KALRN: variants seen among roughly 807,000 people sequenced by gnomAD.
KALRN encodes kalirin.
KALRN carries 70 observed loss-of-function variants against 353.7 expected under a neutral mutation model. The ratio of observed to expected loss-of-function variants is 0.20; its 90% CI spans 0.16 to 0.24. The LOEUF (loss-of-function observed/expected upper bound fraction) is 0.24. KALRN is among the 10% of genes least tolerant of loss of function. KALRN has a pLI of 1.00. For synonymous variants in KALRN, 1,391 were observed against 1,434.8 expected (o/e 0.97, Z 0.69); for missense variants, 2,791 against 3,756.7 (o/e 0.74, Z 6.72).
chr3:124,650,661 T>C (rs906977017), intron 37 of KALRN, 147 bp from the exon 38 acceptor site: 1 of 729,798 alleles, frequency 1.4e-6, no homozygotes, highest in African/African-American at 1.8e-5. Flanking sequence ...ATAAAGTCTC[T>C]GGTCTGCTAG....
intron 33 of KALRN, among the ~76,000 whole-genome samples, chr3:124,503,611 G>C (rs926670761): frequency 2.0e-5 from 3 of 152,130 alleles, no homozygotes; most frequent in African/African-American, 7.2e-5. Flanking sequence ...GGTTTCTGTG[G>C]TACTCGGTAT....
At chr3:124,342,947 A>T (rs1240973822) in intron 9 of KALRN, among the ~76,000 whole-genome samples, 1 of 152,220 alleles carries the variant, frequency 6.6e-6, no homozygotes, top group African/African-American at 2.4e-5. Context: ...TATTCAAGAC[A>T]TGCCCCTGGG....
chr3:124,619,141 T>TTA (rs1554053769), intron 34 of KALRN, among the ~76,000 whole-genome samples: 4 of 147,510 alleles, frequency 2.7e-5, no homozygotes, highest in Admixed American at 2.0e-4. Context: ...TTTTTTTTTT[T>TTA]AAGATTCCAC....
chr3:124,417,119 C>T (rs887228691), intron 14 of KALRN, among the ~76,000 whole-genome samples: 5 of 152,216 alleles, frequency 3.3e-5, no homozygotes, highest in African/African-American at 1.2e-4. Flanking sequence ...TTGTTCTTTC[C>T]TCACAATGGA....
intron 3 of KALRN, among the ~76,000 whole-genome samples, chr3:124,252,592 G>A (rs918786923): frequency 6.6e-6 from 1 of 152,194 alleles, no homozygotes; most frequent in African/African-American, 2.4e-5. Flanking sequence ...GATGTGCAGA[G>A]GCAAAAGATG....
intron 3 of KALRN, among the ~76,000 whole-genome samples, chr3:124,247,342 A>G (rs923538796): frequency 2.6e-5 from 4 of 152,234 alleles, no homozygotes; most frequent in African/African-American, 9.6e-5. Context: ...TAAGCAACCA[A>G]TAAGCAAGGA....
At chr3:124,451,664 G>A (rs2058799436) in intron 21 of KALRN, among the ~76,000 whole-genome samples, 1 of 152,196 alleles carries the variant, frequency 6.6e-6, no homozygotes. Context: ...TAGAAGCGAT[G>A]TGTCTGAACC....
rs1184802268 is a variant in KALRN at position 124,723,471 on chromosome 3, A to G, written c.*4001A>G. The G allele has an allele frequency of 6.6e-6, 1 of 152,204 alleles. No homozygotes were observed. Among genetic ancestry groups the G allele is most frequent in the Non-Finnish European group, 1.5e-5 (1 of 68,024 alleles). The allele number at this position is 152,204 out of a possible 1,614,324, so 9.4% of individuals were successfully genotyped here. On this transcript the variant is annotated 3_prime_UTR_variant, in exon 60 of 60. Transcript: ENST00000682506. ...ATGTTGAGAAATAACCTTGGTGGGG[A>G]CATCTATAAAATACTTTGATTTTTT...
intron 1 of KALRN, among the ~76,000 whole-genome samples, chr3:124,211,627 C>T (rs1164062216): frequency 6.6e-6 from 1 of 152,132 alleles, no homozygotes; most frequent in African/African-American, 2.4e-5. Context: ...GAGAAGTAAT[C>T]CCAGTTACCC....
chr3:124,057,007 A>G (rs368653908), intron 1 of KALRN, among the ~76,000 whole-genome samples: 4 of 152,228 alleles, frequency 2.6e-5, no homozygotes, highest in South Asian at 2.1e-4. Context: ...TAAATTGGAT[A>G]TTTGGCAAAT....
At chr3:124,524,474 G>A (rs1236942654) in intron 33 of KALRN, among the ~76,000 whole-genome samples, 1 of 152,180 alleles carries the variant, frequency 6.6e-6, no homozygotes, top group African/African-American at 2.4e-5. Flanking sequence ...ATGACTAGAA[G>A]TTTCATATTG....
At chr3:124,426,059 T>G (rs116784600) in intron 15 of KALRN, among the ~76,000 whole-genome samples, 1,616 of 152,288 alleles carry the variant, frequency 0.011, 30 homozygotes, top group African/African-American at 0.037. Flanking sequence ...CCAAGCCCTT[T>G]GCAAAAGGGC....
At chr3:124,364,611 A>C (rs1221203538) in intron 10 of KALRN, among the ~76,000 whole-genome samples, 10 of 152,148 alleles carry the variant, frequency 6.6e-5, no homozygotes, top group African/African-American at 2.4e-4. Flanking sequence ...CTTAGTGGCT[A>C]TGTGGTGTCT....
intron 10 of KALRN, among the ~76,000 whole-genome samples, chr3:124,381,942 A>G (rs1418755101): frequency 6.6e-6 from 1 of 152,172 alleles, no homozygotes; most frequent in African/African-American, 2.4e-5. Context: ...CTTGGCTATG[A>G]GAAGCCCTTC....
chr3:124,085,775 A>T (rs1424467507), intron 1 of KALRN, among the ~76,000 whole-genome samples: 8 of 152,218 alleles, frequency 5.3e-5, no homozygotes, highest in Non-Finnish European at 1.2e-4. Flanking sequence ...ATAACAACAT[A>T]AAATTTTACA....
intron 25 of KALRN, among the ~76,000 whole-genome samples, chr3:124,467,850 C>T (rs753146710): frequency 1.3e-4 from 20 of 151,976 alleles, no homozygotes; most frequent in Non-Finnish European, 2.6e-4. Context: ...GTGAGAAAAC[C>T]ATGAAGTGGA....
intron 51 of KALRN, among the ~76,000 whole-genome samples, chr3:124,692,615 C>T (rs2061869678): frequency 6.6e-6 from 1 of 152,182 alleles, no homozygotes; most frequent in African/African-American, 2.4e-5. Flanking sequence ...TAATAACAGT[C>T]TGCTTAGCAG....
chr3:124,060,126 G>A (rs759885027), intron 1 of KALRN, among the ~76,000 whole-genome samples: 19 of 152,064 alleles, frequency 1.2e-4, no homozygotes, highest in Admixed American at 2.0e-4. Context: ...CACTGGCTTC[G>A]CTGACCATTT....
At chr3:124,050,664 C>T (rs1295835423) in intron 1 of KALRN, among the ~76,000 whole-genome samples, 2 of 152,128 alleles carry the variant, frequency 1.3e-5, no homozygotes, top group Non-Finnish European at 2.9e-5. Flanking sequence ...CCATGTTCCC[C>T]AGATGCCCGA....
Sources: allele counts gnomAD v4.1 joint callset (sites outside exome capture counted in the v4.1 genomes callset), GRCh38; gene constraint gnomAD v4.1.1; transcripts MANE v1.5; gene names NCBI Gene and HGNC (gene_info 2026-07-23, HGNC 2026-07-21).